The following EML6 variants were observed in gnomAD, a reference collection of about 807,000 sequenced individuals.
EML6 encodes echinoderm microtubule-associated protein-like 6.
A neutral mutation model predicts 240.1 loss-of-function variants in EML6; 154 were observed. The observed-to-expected ratio is 0.64, with a 90% confidence interval of 0.56 to 0.73. EML6 has a LOEUF of 0.73. EML6 is among the 30% of genes least tolerant of loss of function. The pLI, the probability that EML6 is intolerant of heterozygous loss-of-function variation, is 0.00. For synonymous variants in EML6, 1,148 were observed against 899.0 expected, an observed-to-expected ratio of 1.28 and a Z score of -4.95; for missense variants, 2,964 against 2,474.6, an observed-to-expected ratio of 1.20 and a Z score of -4.20.
intron 7 of EML6, among the ~76,000 whole-genome samples, chr2:54,842,014 T>C (rs1669486829): frequency 6.6e-6 from 1 of 152,112 alleles, no homozygotes; most frequent in South Asian, 2.1e-4. Context: ...CTTCCCTCAC[T>C]ATCAATGTGC....
At position 54,882,960 on chromosome 2, in the gene EML6, G is replaced by A. The variant is rs1408369431; in HGVS notation, c.2438+3320G>A. On this transcript the variant is annotated intron_variant, in intron 17 of 41. Transcript: ENST00000356458. ...CACTTCTGTATTAGCTTCATCGCTTGATCTATTTTAGGTCCCTACCTTTAC... is the reference window on the plus strand; with the variant it reads ...CACTTCTGTATTAGCTTCATCGCTTAATCTATTTTAGGTCCCTACCTTTAC... 2.7e-5 allele frequency: 4 copies of A among 150,826 alleles called. No individual in the cohort carries two copies. The East Asian group carries it at 5.8e-4, about 22-fold the overall frequency. The allele number at this position is 150,826 out of a possible 1,614,324, so 9.3% of individuals were successfully genotyped here. A position where few individuals can be genotyped will look rare whatever the true frequency, so the allele number is the denominator to read the frequency against.
chr2:54,867,564 C>G (rs925023787), intron 14 of EML6: 2 of 152,148 alleles, frequency 1.3e-5, no homozygotes, highest in Non-Finnish European at 2.9e-5. Context: ...CCCAGGAGTT[C>G]GAGACATGGT....
At chr2:54,828,412 A>G (rs1289869664) in intron 6 of EML6, among the ~76,000 whole-genome samples, 2 of 152,360 alleles carry the variant, frequency 1.3e-5, no homozygotes, top group South Asian at 2.1e-4. Context: ...AATTGTCCCT[A>G]TAAATGGGAA....
At chr2:54,946,689 C>T (rs1038372087) in intron 28 of EML6, among the ~76,000 whole-genome samples, 4 of 152,104 alleles carry the variant, frequency 2.6e-5, no homozygotes, top group Non-Finnish European at 2.9e-5. Flanking sequence ...GTATTCACAC[C>T]GCTCTGGAGA....
At position 54,890,979 on chromosome 2, in the gene EML6, C is replaced by A. The variant is rs1246531946; in HGVS notation, c.2439-75C>A. ...CTGTTAGATGTGCTTAAAATTAGACCAAATGCATGCTTTTAATAAAACTGT... is the reference window on the plus strand; with the variant it reads ...CTGTTAGATGTGCTTAAAATTAGACAAAATGCATGCTTTTAATAAAACTGT... On this transcript the variant is annotated intron_variant, in intron 17 of 41. Coordinates refer to ENST00000356458, the MANE Select transcript of EML6 (RefSeq NM_001039753.4). 3 of 682,912 alleles carry A rather than the reference C, an allele frequency of 4.4e-6. No individual in the cohort carries two copies. In the African/African-American group the frequency reaches 5.3e-5, roughly 12 times the overall value. The allele number at this position is 682,912 out of a possible 1,614,324, so 42.3% of individuals were successfully genotyped here.
At chr2:54,955,660 C>T (rs1676197692) in intron 32 of EML6, among the ~76,000 whole-genome samples, 1 of 152,204 alleles carries the variant, frequency 6.6e-6, no homozygotes, top group Non-Finnish European at 1.5e-5. Flanking sequence ...GCAGTGCCTG[C>T]TTTGGCCTGC....
chr2:54,853,170 A>G lies in EML6; in HGVS notation c.1445-473A>G, dbSNP rs182154701. 3.9e-5 allele frequency among the ~76,000 whole-genome samples: 6 copies of G among 152,318 alleles called. No homozygotes were observed. In the East Asian group the frequency reaches 5.8e-4, roughly 15 times the overall value. On this transcript the variant is annotated intron_variant, in intron 10 of 41. Coordinates refer to ENST00000356458, the MANE Select transcript of EML6 (RefSeq NM_001039753.4). Reference sequence around the variant, plus strand: ...TAGAAGTTCAGGATGAACTTAGCCAAAGTTTTTAAAACCTGGCAAAGCGTT... The same window carrying G: ...TAGAAGTTCAGGATGAACTTAGCCAGAGTTTTTAAAACCTGGCAAAGCGTT...
intron 2 of EML6, among the ~76,000 whole-genome samples, chr2:54,799,365 T>C (rs898554929): frequency 1.3e-5 from 2 of 151,436 alleles, no homozygotes; most frequent in Non-Finnish European, 2.9e-5. Context: ...CCAGCCTTTA[T>C]TACTATTTTT....
chr2:54,890,966 C>A, intron 17 of EML6, 88 bp from the exon 18 acceptor site: 1 of 602,756 alleles, frequency 1.7e-6, no homozygotes, highest in Non-Finnish European at 2.8e-6. Flanking sequence ...GTTAGATGTG[C>A]TTAAAATTAG....
chr2:54,885,813 G>T (rs375834432), intron 17 of EML6, among the ~76,000 whole-genome samples: 1 of 151,670 alleles, frequency 6.6e-6, no homozygotes, highest in Admixed American at 6.6e-5. Flanking sequence ...GGGTTTCACC[G>T]TGTTAGCCAG....
intron 2 of EML6, among the ~76,000 whole-genome samples, chr2:54,773,476 G>C (rs1158336676): frequency 6.6e-6 from 1 of 152,238 alleles, no homozygotes; most frequent in East Asian, 1.9e-4. Flanking sequence ...ATCATGCCTG[G>C]AAGGCTGAGC....
chr2:54,847,743 T>G, intron 9 of EML6, 120 bp downstream of exon 9: 3 of 1,031,316 alleles, frequency 2.9e-6, no homozygotes, highest in Non-Finnish European at 4.2e-6. Context: ...CAAATAGGAA[T>G]ACTATAGATC....
At chr2:54,902,057 A>G (rs958682224) in intron 22 of EML6, among the ~76,000 whole-genome samples, 8 of 152,324 alleles carry the variant, frequency 5.3e-5, no homozygotes, top group Middle Eastern at 3.4e-3. Context: ...CAAGAACAAC[A>G]TCTTTCACCT....
chr2:54,894,782 G>T, intron 19 of EML6, 133 bp from the exon 20 acceptor site: 1 of 608,072 alleles, frequency 1.6e-6, no homozygotes. Flanking sequence ...GTTATCACCA[G>T]AGTTTTCCAT....
intron 11 of EML6, among the ~76,000 whole-genome samples, chr2:54,855,569 C>T (rs1670331269): frequency 6.6e-6 from 1 of 150,810 alleles, no homozygotes; most frequent in Admixed American, 6.7e-5. Flanking sequence ...AAATGAGTCA[C>T]CGTTACATAA....
intron 26 of EML6, among the ~76,000 whole-genome samples, chr2:54,922,753 G>A (rs886684229): frequency 6.6e-6 from 1 of 152,032 alleles, no homozygotes; most frequent in African/African-American, 2.4e-5. Flanking sequence ...GCAATAATGT[G>A]GATGAACCAG....
At chr2:54,817,830 C>T (rs1668145362) in intron 4 of EML6, among the ~76,000 whole-genome samples, 1 of 151,608 alleles carries the variant, frequency 6.6e-6, no homozygotes, top group Admixed American at 6.6e-5. Context: ...ATGAATGGCA[C>T]ATTGATCTAT....
intron 24 of EML6, among the ~76,000 whole-genome samples, chr2:54,905,064 T>C (rs1012346291): frequency 6.6e-6 from 1 of 152,078 alleles, no homozygotes; most frequent in East Asian, 1.9e-4. Context: ...CAAAGGGAGA[T>C]CAGATAAGTC....
chr2:54,731,943 A>G (rs562545762), intron 2 of EML6, among the ~76,000 whole-genome samples: 5 of 152,258 alleles, frequency 3.3e-5, no homozygotes, highest in African/African-American at 7.2e-5. Flanking sequence ...GAGAGATCCA[A>G]TTCCTCCACA....
Sources: allele counts gnomAD v4.1 joint callset (sites outside exome capture counted in the v4.1 genomes callset), GRCh38; gene constraint gnomAD v4.1.1; transcripts MANE v1.5; gene names NCBI Gene and HGNC (gene_info 2026-07-23, HGNC 2026-07-21).